PPM1E: variants seen among roughly 807,000 people sequenced by gnomAD.
PPM1E encodes the protein protein phosphatase, Mg2+/Mn2+ dependent 1E.
PPM1E carries 20 observed loss-of-function variants against 65.9 expected under a neutral mutation model. That is an observed-to-expected ratio of 0.30 (90% CI 0.21 to 0.44). The LOEUF (loss-of-function observed/expected upper bound fraction) is 0.44, where lower values mean the gene tolerates loss of function less well. Among genes scored for constraint, PPM1E ranks in the 20% least tolerant of loss-of-function variants. The pLI, the probability that PPM1E is intolerant of heterozygous loss-of-function variation, is 1.00. For missense variants in PPM1E, 713 were observed against 953.1 expected, an observed-to-expected ratio of 0.75 and a Z score of 3.32; for synonymous variants, 352 against 374.9, an observed-to-expected ratio of 0.94 and a Z score of 0.70.
chr17:58,856,918 TTTC>T (rs1180040037), intron 1 of PPM1E, among the ~76,000 whole-genome samples: 5 of 152,172 alleles, frequency 3.3e-5, no homozygotes, highest in African/African-American at 1.2e-4. Context: ...CTAGGGAAAT[TTTC>T]TTCTCTATAT....
intron 1 of PPM1E, among the ~76,000 whole-genome samples, chr17:58,891,688 T>TA (rs967687647): frequency 6.6e-6 from 1 of 152,166 alleles, no homozygotes; most frequent in Non-Finnish European, 1.5e-5. Context: ...ATGGAAATGT[T>TA]ACACATTTTA....
chr17:58,859,437 C>A (rs1315016762), intron 1 of PPM1E, among the ~76,000 whole-genome samples: 2 of 152,162 alleles, frequency 1.3e-5, no homozygotes, highest in Non-Finnish European at 1.5e-5. Context: ...TTTGAAGAAA[C>A]CATCATAGGT....
chr17:58,846,543 A>C (rs1471668440), intron 1 of PPM1E, among the ~76,000 whole-genome samples: 1 of 152,106 alleles, frequency 6.6e-6, no homozygotes. Flanking sequence ...TCCTTGCAAT[A>C]GTTTGCTCAG....
rs191303583 is a variant in PPM1E at position 58,877,677 on chromosome 17, A to G, written c.465-77972A>G. ...TTTTATATTGAATTTAATGCTGGCA[A>G]TTTAAGGAAAGCAGTTAGTGTGAAT... On this transcript the variant is annotated intron_variant, in intron 1 of 6. Transcript: ENST00000308249. Among the ~76,000 whole-genome samples, 22 of 152,314 alleles carry G rather than the reference A, an allele frequency of 1.4e-4. No individual in the cohort carries two copies. The East Asian group carries it at 3.9e-3, about 27-fold the overall frequency.
intron 1 of PPM1E, among the ~76,000 whole-genome samples, chr17:58,892,110 AC>A (rs1281399641): frequency 2.0e-5 from 3 of 152,152 alleles, no homozygotes; most frequent in Non-Finnish European, 4.4e-5. Context: ...TGCTGGGATT[AC>A]AGGTGTGAGC....
At chr17:58,840,406 G>A (rs2050706607) in intron 1 of PPM1E, among the ~76,000 whole-genome samples, 1 of 152,216 alleles carries the variant, frequency 6.6e-6, no homozygotes, top group South Asian at 2.1e-4. Flanking sequence ...CTACTTTTCA[G>A]TCAGGCATTA....
chr17:58,849,637 C>A (rs1258681819), intron 1 of PPM1E, among the ~76,000 whole-genome samples: 2 of 151,880 alleles, frequency 1.3e-5, no homozygotes, highest in African/African-American at 4.8e-5. Flanking sequence ...GTCTGAGAGA[C>A]AGTTTGTTAT....
intron 1 of PPM1E, among the ~76,000 whole-genome samples, chr17:58,802,692 G>A (rs965566066): frequency 7.9e-5 from 12 of 151,892 alleles, no homozygotes; most frequent in African/African-American, 2.9e-4. Context: ...CCATTTATTT[G>A]TGTCTTCAAT....
chr17:58,913,483 A>G (rs1307800305), intron 1 of PPM1E, among the ~76,000 whole-genome samples: 1 of 152,220 alleles, frequency 6.6e-6, no homozygotes, highest in Non-Finnish European at 1.5e-5. Flanking sequence ...CCCACTGCAC[A>G]GAGAGAGCTG....
intron 1 of PPM1E, among the ~76,000 whole-genome samples, chr17:58,837,320 A>AACACACATACACACACAC (rs751021723): frequency 8.2e-4 from 99 of 120,280 alleles, no homozygotes; most frequent in Middle Eastern, 4.0e-3. Flanking sequence ...GAATGAGAAT[A>AACACACATACACACACAC]ACACACACAC....
intron 1 of PPM1E, chr17:58,785,486 A>G (rs2050091482): frequency 7.7e-6 from 1 of 129,620 alleles, no homozygotes; most frequent in Non-Finnish European, 1.7e-5. Context: ...ATATATATAT[A>G]TATAGTAGAA....
intron 1 of PPM1E, among the ~76,000 whole-genome samples, chr17:58,937,263 CTT>C (rs561439071): frequency 3.7e-5 from 5 of 133,926 alleles, no homozygotes; most frequent in Admixed American, 7.5e-5. Context: ...AGGCCTGTCT[CTT>C]TTTTTTTTTT....
Position 58,983,385 on chromosome 17 carries a change from G to C in PPM1E, c.*2354G>C, listed in dbSNP as rs1370798689. ...ATACTAAAATAGTGGTTATTGGTCT[G>C]ATATATGCTGCTCTTGGTTCTATAA... is the stretch of plus-strand genomic sequence containing the variant. On this transcript the variant is annotated 3_prime_UTR_variant, in exon 7 of 7. Coordinates refer to ENST00000308249, the MANE Select transcript of PPM1E (RefSeq NM_014906.5). 3 of 154,158 alleles carry C rather than the reference G, an allele frequency of 1.9e-5. No individual in the cohort carries two copies. The highest frequency in any genetic ancestry group is 2.0e-4 in the South Asian group (1 of 4,924). 9.5% of individuals were successfully genotyped at this position (154,158 alleles called of 1,614,324 possible). A position where few individuals can be genotyped will look rare whatever the true frequency, so the allele number is the denominator to read the frequency against.
chr17:58,909,432 C>A (rs569019674), intron 1 of PPM1E, among the ~76,000 whole-genome samples: 30 of 152,154 alleles, frequency 2.0e-4, no homozygotes, highest in African/African-American at 6.5e-4. Context: ...ATCTTTGTTT[C>A]CTTTTTGTAG....
chr17:58,783,988 G>A (rs956215551), intron 1 of PPM1E, among the ~76,000 whole-genome samples: 10 of 151,676 alleles, frequency 6.6e-5, no homozygotes, highest in African/African-American at 1.9e-4. Context: ...TGGGATTACA[G>A]GTGTGAGCCA....
intron 1 of PPM1E, among the ~76,000 whole-genome samples, chr17:58,811,047 G>C (rs1228926095): frequency 6.6e-6 from 1 of 151,980 alleles, no homozygotes; most frequent in African/African-American, 2.4e-5. Context: ...TGGTAGAGAC[G>C]GGGTTTCGCC....
intron 1 of PPM1E, among the ~76,000 whole-genome samples, chr17:58,881,401 C>T (rs772607695): frequency 8.5e-5 from 13 of 152,064 alleles, no homozygotes; most frequent in East Asian, 1.9e-4. Flanking sequence ...TGGTGGCTCA[C>T]GCCTGTAATC....
At chr17:58,820,284 A>G (rs2050466842) in intron 1 of PPM1E, among the ~76,000 whole-genome samples, 3 of 152,288 alleles carry the variant, frequency 2.0e-5, no homozygotes, top group Admixed American at 2.0e-4. Flanking sequence ...ATGAATTTTT[A>G]TATCAGACAG....
chr17:58,982,795 T>C lies in PPM1E; in HGVS notation c.*1764T>C, dbSNP rs1361373796. The C allele has an allele frequency of 5.5e-6, 5 of 913,768 alleles. No homozygotes were observed. In the African/African-American group the frequency reaches 6.8e-5, roughly 12 times the overall value. The allele number at this position is 913,768 out of a possible 1,614,324, so 56.6% of individuals were successfully genotyped here. A position where few individuals can be genotyped will look rare whatever the true frequency, so the allele number is the denominator to read the frequency against. On this transcript the variant is annotated 3_prime_UTR_variant, in exon 7 of 7. Coordinates refer to ENST00000308249, the MANE Select transcript of PPM1E (RefSeq NM_014906.5). ...AAAGGAGTCAACATGGCCCCAACTA[T>C]AGTGCCGGAACCTTTTCATCATTCT...
Sources: allele counts gnomAD v4.1 joint callset (sites outside exome capture counted in the v4.1 genomes callset), GRCh38; gene constraint gnomAD v4.1.1; transcripts MANE v1.5; gene names NCBI Gene and HGNC (gene_info 2026-07-23, HGNC 2026-07-21).